Variants in PHTF2 observed in about 807,000 individuals in gnomAD.
PHTF2 encodes the protein protein PHTF2.
Under a neutral mutation model 101.2 loss-of-function variants are expected in PHTF2, and 60 were observed. The ratio of observed to expected loss-of-function variants is 0.59; its 90% CI spans 0.48 to 0.73. The LOEUF is 0.73. PHTF2 is among the 30% of genes least tolerant of loss of function. PHTF2 has a pLI of 0.00. For missense variants in PHTF2, 747 were observed against 908.7 expected (o/e 0.82, Z 2.29); for synonymous variants, 311 against 307.3 (o/e 1.01, Z -0.13).
At chr7:77,922,902 T>C in intron 11 of PHTF2, 124 bp downstream of exon 10, 12 of 1,282,022 alleles carry the variant, frequency 9.4e-6, no homozygotes, top group Non-Finnish European at 1.2e-5. Context: ...TATTTATTAT[T>C]GTTGTATGAT....
At chr7:77,920,844 G>A (rs1420205036) in intron 10 of PHTF2, among the ~76,000 whole-genome samples, 2 of 151,974 alleles carry the variant, frequency 1.3e-5, no homozygotes, top group African/African-American at 4.8e-5. Flanking sequence ...ACCATGCCCG[G>A]CTAATTTTTT....
intron 2 of PHTF2, among the ~76,000 whole-genome samples, chr7:77,844,821 G>C (rs1014601046): frequency 6.6e-6 from 1 of 152,248 alleles, no homozygotes; most frequent in South Asian, 2.1e-4. Context: ...CATTGCACCC[G>C]GCCTAAATAA....
chr7:77,839,963 TA>T (rs146074230), intron 1 of PHTF2, among the ~76,000 whole-genome samples: 3,356 of 152,210 alleles, frequency 0.022, 51 homozygotes, highest in Middle Eastern at 0.069. Flanking sequence ...TTTAAAAGAT[TA>T]AAAAAAATTC....
At chr7:77,949,286 C>CA (rs1258113576) in intron 16 of PHTF2, among the ~76,000 whole-genome samples, 3 of 150,754 alleles carry the variant, frequency 2.0e-5, no homozygotes, top group South Asian at 2.1e-4. Flanking sequence ...TTAAAATATA[C>CA]AAAAAATTAT....
chr7:77,818,457 A>G (rs902912986), intron 1 of PHTF2, among the ~76,000 whole-genome samples: 9 of 152,146 alleles, frequency 5.9e-5, no homozygotes, highest in African/African-American at 2.2e-4. Flanking sequence ...ATGGGCATCT[A>G]GTTTCATTCT....
chr7:77,894,121 C>A lies in PHTF2; in HGVS notation c.216+128C>A. On this transcript the variant is annotated intron_variant, in intron 5 of 19. Transcript: ENST00000416283. ...CGAAAAGAGTCACTGAAAAGTTGGT[C>A]ATTTTAAAAAAGAAGTTAGGACAGT... 3 of 791,006 alleles carry A rather than the reference C, an allele frequency of 3.8e-6. No individual in the cohort carries two copies. The South Asian group carries it at 4.4e-5, about 12-fold the overall frequency. The allele number at this position is 791,006 out of a possible 1,614,324, so 49.0% of individuals were successfully genotyped here.
exon 16 of PHTF2, chr7:77,942,739 T>A: frequency 6.2e-7 from 1 of 1,603,724 alleles, no homozygotes; most frequent in South Asian, 1.1e-5. Context: ...AATAGTTTCA[T>A]CTGCTTTCTT....
chr7:77,946,778 T>A (rs1181912320), intron 16 of PHTF2, among the ~76,000 whole-genome samples: 1 of 152,172 alleles, frequency 6.6e-6, no homozygotes, highest in Non-Finnish European at 1.5e-5. Flanking sequence ...ATTTGGCCAG[T>A]GGACCATAAT....
At position 77,954,612 on chromosome 7, in the gene PHTF2, G is replaced by GA. The variant is rs1554397925; in HGVS notation, c.2338-246_2338-245insA. Among the ~76,000 whole-genome samples the GA allele has an allele frequency of 3.3e-5, 3 of 90,200 alleles. 1 individual carries two copies. The highest frequency in any genetic ancestry group is 1.4e-4 in the African/African-American group (3 of 21,066). 59.2% of individuals were successfully genotyped at this position (90,200 alleles called of 152,430 possible). A position where few individuals can be genotyped will look rare whatever the true frequency, so the allele number is the denominator to read the frequency against. Reference sequence around the variant, plus strand: ...GATAATCATATTAAACAAGTACTGTGTATATATATATATATATATATATAT... The same window carrying GA: ...GATAATCATATTAAACAAGTACTGTGATATATATATATATATATATATATAT... On this transcript the variant is annotated intron_variant, in intron 19 of 19. Coordinates refer to ENST00000416283, the Ensembl canonical transcript of PHTF2.
At chr7:77,912,036 C>G (rs1250481570) in intron 9 of PHTF2, among the ~76,000 whole-genome samples, 4 of 152,150 alleles carry the variant, frequency 2.6e-5, no homozygotes. Flanking sequence ...TGGTTGTCTA[C>G]AACTGATATT....
intron 1 of PHTF2, among the ~76,000 whole-genome samples, chr7:77,810,851 T>G (rs1200461657): frequency 6.6e-6 from 1 of 152,106 alleles, no homozygotes; most frequent in Non-Finnish European, 1.5e-5. Context: ...TGACCTTCAA[T>G]TTGAGATTGG....
rs58290945 is a variant in PHTF2, at chr7:77,925,495, G to GTTTTTTTTTTTTT, written c.1119+2736_1119+2748dup. 6.4e-4 allele frequency among the ~76,000 whole-genome samples: 47 copies of GTTTTTTTTTTTTT among 73,164 alleles called. 1 individual carries two copies. Among genetic ancestry groups the GTTTTTTTTTTTTT allele is most frequent in the African/African-American group, 2.5e-3 (44 of 17,298 alleles). The allele number at this position is 73,164 out of a possible 152,430, so 48.0% of individuals were successfully genotyped here. On this transcript the variant is annotated intron_variant, in intron 11 of 19. Coordinates refer to ENST00000416283, the Ensembl canonical transcript of PHTF2. ...GCAATTATAGGCAATAGTTTTTAGGGTTTTTTTTTTTTTTTTTTTTTTTTT... is the reference window on the plus strand; with the variant it reads ...GCAATTATAGGCAATAGTTTTTAGGGTTTTTTTTTTTTTTTTTTTTTTTTTTTTTTTTTTTTTT...
chr7:77,940,075 G>A, exon 14 of PHTF2: 5 of 1,613,250 alleles, frequency 3.1e-6, no homozygotes, highest in Non-Finnish European at 4.2e-6. Flanking sequence ...TTTTGGAAAT[G>A]CAGTCTCTCT....
intron 11 of PHTF2, among the ~76,000 whole-genome samples, chr7:77,924,447 TATACAAA>T (rs1191915152): frequency 6.6e-6 from 1 of 152,276 alleles, no homozygotes; most frequent in Admixed American, 6.5e-5. Flanking sequence ...TTGCAGGAAA[TATACAAA>T]ATGACTGTGG....
chr7:77,830,123 T>G (rs1222663816), intron 1 of PHTF2, among the ~76,000 whole-genome samples: 1 of 152,120 alleles, frequency 6.6e-6, no homozygotes, highest in Non-Finnish European at 1.5e-5. Context: ...ATTGGACTGC[T>G]CTCAAAGAAC....
At chr7:77,892,121 C>CA (rs1800483611) in intron 3 of PHTF2, among the ~76,000 whole-genome samples, 1 of 152,088 alleles carries the variant, frequency 6.6e-6, no homozygotes, top group African/African-American at 2.4e-5. Flanking sequence ...ACTAAAAATA[C>CA]AAAAAATTAG....
chr7:77,897,735 T>C (rs1801001556), intron 5 of PHTF2, among the ~76,000 whole-genome samples: 1 of 152,250 alleles, frequency 6.6e-6, no homozygotes. Context: ...ATAAAATAAT[T>C]ATAGATTTGA....
At chr7:77,806,526 T>G (rs1369072759) in intron 1 of PHTF2, among the ~76,000 whole-genome samples, 1 of 152,182 alleles carries the variant, frequency 6.6e-6, no homozygotes, top group Non-Finnish European at 1.5e-5. Flanking sequence ...TCTTTTTACT[T>G]TCTACCTTTT....
chr7:77,910,779 T>G lies in PHTF2; in HGVS notation c.776+370T>G, dbSNP rs956378710. On this transcript the variant is annotated intron_variant, in intron 9 of 19. Coordinates refer to ENST00000416283, the Ensembl canonical transcript of PHTF2. Reference sequence around the variant, plus strand: ...GCCTCAGCCACCCGAGTAGCTGGGCTTACAGGCACGTGCCACCACACCTGG... The same window carrying G: ...GCCTCAGCCACCCGAGTAGCTGGGCGTACAGGCACGTGCCACCACACCTGG... Among the ~76,000 whole-genome samples, 7 of 152,092 alleles carry G rather than the reference T, an allele frequency of 4.6e-5. No individual in the cohort carries two copies. The East Asian group carries it at 5.8e-4, about 13-fold the overall frequency.
Sources: allele counts gnomAD v4.1 joint callset (sites outside exome capture counted in the v4.1 genomes callset), GRCh38; gene constraint gnomAD v4.1.1; transcripts MANE v1.5; gene names NCBI Gene and HGNC (gene_info 2026-07-23, HGNC 2026-07-21).